The following SLC14A2 variants were observed in gnomAD, a reference collection of about 807,000 sequenced individuals.
SLC14A2 encodes the protein urea transporter 2.
SLC14A2 carries 91 observed loss-of-function variants against 104.6 expected under a neutral mutation model. That is an observed-to-expected ratio of 0.87 (90% CI 0.73 to 1.04). SLC14A2 has a LOEUF of 1.04. SLC14A2 is among the 50% of genes least tolerant of loss of function. The probability of loss-of-function intolerance (pLI) is 0.00; values close to 1 mark genes in which losing one functional copy is unlikely to be tolerated. For missense variants in SLC14A2, 1,189 were observed against 1,156.0 expected, an observed-to-expected ratio of 1.03 and a Z score of -0.41; for synonymous variants, 476 against 466.4, an observed-to-expected ratio of 1.02 and a Z score of -0.27.
intron 2 of SLC14A2, among the ~76,000 whole-genome samples, chr18:45,532,661 C>T (rs1417851417): frequency 1.3e-5 from 2 of 151,886 alleles, no homozygotes; most frequent in African/African-American, 4.8e-5. Context: ...AATTTGACTT[C>T]CTCTTTTCCT....
intron 1 of SLC14A2, among the ~76,000 whole-genome samples, chr18:45,283,050 C>T (rs2084778914): frequency 1.3e-5 from 2 of 152,204 alleles, no homozygotes; most frequent in Admixed American, 1.3e-4. Context: ...CTGCCTCATC[C>T]TTTTCCCTCC....
chr18:45,641,286 A>G lies in SLC14A2; in HGVS notation c.1069A>G (p.Ile357Val), dbSNP rs779217653. ...CAACTGCGTCCTCTCCTGCATCGCC[A>G]TCGGAGGCATGTTCTATGCCCTCAC... is the stretch of plus-strand genomic sequence containing the variant. ...SYNCVLSCIAIGGMFYALTWQ... is the reference protein window; with the variant it reads ...SYNCVLSCIAVGGMFYALTWQ... Residue 357 changes from isoleucine (I) to valine (V), a missense_variant, in exon 8 of 20, where the codon ATC becomes GTC. Physicochemically the swap from Ile to Val is conservative, Grantham distance 29. Transcript: ENST00000255226. 8.7e-6 allele frequency: 14 copies of G among 1,614,096 alleles called. No homozygotes were observed. In the Admixed American group the frequency reaches 1.3e-4, roughly 15 times the overall value.
At chr18:45,291,478 G>A (rs534755060) in intron 1 of SLC14A2, among the ~76,000 whole-genome samples, 1 of 152,248 alleles carries the variant, frequency 6.6e-6, no homozygotes, top group African/African-American at 2.4e-5. Context: ...GGAAATTTGG[G>A]TGGTGCTACT....
intron 1 of SLC14A2, among the ~76,000 whole-genome samples, chr18:45,350,688 T>C (rs1469933101): frequency 6.6e-6 from 1 of 152,108 alleles, no homozygotes; most frequent in Non-Finnish European, 1.5e-5. Flanking sequence ...TCTTTTGATT[T>C]CTGCCTCACT....
intron 9 of SLC14A2, 105 bp from the exon 10 acceptor site, chr18:45,643,881 G>A: frequency 1.0e-6 from 1 of 970,588 alleles, no homozygotes; most frequent in South Asian, 1.6e-5. Context: ...TCACTGGAGG[G>A]AGGATCTCCA....
chr18:45,246,518 T>C (rs1280475179), intron 1 of SLC14A2, among the ~76,000 whole-genome samples: 1 of 152,210 alleles, frequency 6.6e-6, no homozygotes, highest in Non-Finnish European at 1.5e-5. Context: ...TTCATAGGCT[T>C]ACCTCATTTC....
intron 1 of SLC14A2, among the ~76,000 whole-genome samples, chr18:45,244,864 A>G (rs1599607919): frequency 6.6e-6 from 1 of 152,234 alleles, no homozygotes; most frequent in Non-Finnish European, 1.5e-5. Flanking sequence ...TCTCACATCT[A>G]TTCATTCATC....
intron 1 of SLC14A2, among the ~76,000 whole-genome samples, chr18:45,261,418 A>T (rs1599622740): frequency 6.9e-6 from 1 of 145,486 alleles, no homozygotes; most frequent in African/African-American, 2.5e-5. Flanking sequence ...TTTTAATTTT[A>T]TTATTATACT....
chr18:45,667,458 A>T (rs1355344080), intron 13 of SLC14A2, among the ~76,000 whole-genome samples: 1 of 152,206 alleles, frequency 6.6e-6, no homozygotes, highest in East Asian at 1.9e-4. Flanking sequence ...TGTGTCTACC[A>T]TGCCAATAGG....
chr18:45,672,557 T>TTTTTAAACCCCAACTTTGATCAGACA (rs1362302478), intron 16 of SLC14A2, among the ~76,000 whole-genome samples: 2 of 150,144 alleles, frequency 1.3e-5, no homozygotes, highest in Non-Finnish European at 3.0e-5. Context: ...TCACAAAGGG[T>TTTTTAAACCCCAACTTTGATCAGACA]TTTTAAACCC....
chr18:45,641,388 C>G, intron 8 of SLC14A2, 45 bp downstream of exon 8: 1 of 1,608,922 alleles, frequency 6.2e-7, no homozygotes, highest in African/African-American at 1.3e-5. Flanking sequence ...CTGGCTATTC[C>G]TTCCCCCCTT....
At chr18:45,257,006 G>T (rs2144089590) in intron 1 of SLC14A2, among the ~76,000 whole-genome samples, 1 of 152,318 alleles carries the variant, frequency 6.6e-6, no homozygotes, top group Admixed American at 6.5e-5. Context: ...CTCTAATGTG[G>T]ATAAATTGTA....
At chr18:45,298,375 G>A (rs769021529) in intron 1 of SLC14A2, among the ~76,000 whole-genome samples, 7 of 152,216 alleles carry the variant, frequency 4.6e-5, no homozygotes, top group East Asian at 1.9e-4. Context: ...CCTTTGATGC[G>A]GATATAACCA....
chr18:45,666,305 G>A, intron 12 of SLC14A2, 86 bp downstream of exon 12: 1 of 882,514 alleles, frequency 1.1e-6, no homozygotes, highest in Non-Finnish European at 1.8e-6. Context: ...CTGTAAACAA[G>A]GTTCTCCGAT....
At chr18:45,382,765 C>CT (rs1405446815) in intron 1 of SLC14A2, among the ~76,000 whole-genome samples, 3 of 152,196 alleles carry the variant, frequency 2.0e-5, no homozygotes, top group Non-Finnish European at 4.4e-5. Context: ...TCAGATGTCT[C>CT]TTTTTTACTT....
At chr18:45,533,672 G>A (rs576038502) in intron 2 of SLC14A2, among the ~76,000 whole-genome samples, 1 of 152,054 alleles carries the variant, frequency 6.6e-6, no homozygotes, top group African/African-American at 2.4e-5. Context: ...TTGATTTTTT[G>A]AAGGGTTTTT....
At chr18:45,250,246 A>C (rs763517845) in intron 1 of SLC14A2, among the ~76,000 whole-genome samples, 1 of 152,244 alleles carries the variant, frequency 6.6e-6, no homozygotes, top group South Asian at 2.1e-4. Flanking sequence ...TGCTCACAGC[A>C]TTAGGTCCAG....
Position 45,561,742 on chromosome 18 carries a change from G to A in SLC14A2, c.-34-62889G>A, listed in dbSNP as rs189459341. Among the ~76,000 whole-genome samples the A allele has an allele frequency of 2.5e-4, 38 of 152,112 alleles. No individual in the cohort carries two copies. The East Asian group carries it at 5.0e-3, about 20-fold the overall frequency. ...AATTGTACATATTTCTTTTTCATCC[G>A]TGTGTTCTCAAATGGATATATTCAT... On this transcript the variant is annotated intron_variant, in intron 2 of 20. Transcript: ENST00000586448.
intron 1 of SLC14A2, among the ~76,000 whole-genome samples, chr18:45,215,107 T>G (rs1226921789): frequency 6.6e-6 from 1 of 152,094 alleles, no homozygotes; most frequent in Non-Finnish European, 1.5e-5. Context: ...ATGAGAAGAC[T>G]CTCTTTATGG....
Sources: gnomAD v4.1 joint callset for allele counts (sites outside exome capture counted in the v4.1 genomes callset) on GRCh38, gnomAD v4.1.1 for gene constraint, MANE v1.5 for transcripts, NCBI Gene and HGNC (gene_info 2026-07-23, HGNC 2026-07-21) for gene names.